Variants in EPHX4 observed in about 807,000 individuals in gnomAD.
EPHX4 encodes abhydrolase domain containing 7.
Under a neutral mutation model 44.9 loss-of-function variants are expected in EPHX4, and 31 were observed. The ratio of observed to expected loss-of-function variants is 0.69; its 90% CI spans 0.52 to 0.93. The LOEUF (loss-of-function observed/expected upper bound fraction) is 0.93, where lower values mean the gene tolerates loss of function less well. Among genes scored for constraint, EPHX4 ranks in the 40% least tolerant of loss-of-function variants. The probability of loss-of-function intolerance (pLI) is 0.00; values close to 1 mark genes in which losing one functional copy is unlikely to be tolerated. For synonymous variants in EPHX4, 151 were observed against 159.7 expected (o/e 0.95, Z 0.41); for missense variants, 373 against 438.1 (o/e 0.85, Z 1.33).
At position 92,063,449 on chromosome 1, in the gene EPHX4, T is replaced by A. The variant is rs1570700374; in HGVS notation, c.*163T>A. On this transcript the variant is annotated 3_prime_UTR_variant, in exon 7 of 7. Coordinates refer to ENST00000370383, the MANE Select transcript of EPHX4 (RefSeq NM_173567.5). The stretch of plus-strand genomic sequence containing the variant: ...GTATTGAAAAAAATCTGAGATCATG[T>A]GAACATATAATACAATGTTGATTTT... 26 of 565,836 alleles carry A rather than the reference T, an allele frequency of 4.6e-5. No homozygotes were observed. In the East Asian group the frequency reaches 7.4e-4, roughly 16 times the overall value. 35.1% of individuals were successfully genotyped at this position (565,836 alleles called of 1,614,324 possible). A position where few individuals can be genotyped will look rare whatever the true frequency, so the allele number is the denominator to read the frequency against.
intron 4 of EPHX4, 100 bp downstream of exon 4, chr1:92,045,760 A>G: frequency 1.5e-6 from 2 of 1,343,898 alleles, no homozygotes; most frequent in Non-Finnish European, 2.1e-6. Context: ...TTACTATCAT[A>G]TTTTAAAATT....
At chr1:92,059,829 G>A (rs914357304) in intron 6 of EPHX4, among the ~76,000 whole-genome samples, 1 of 151,916 alleles carries the variant, frequency 6.6e-6, no homozygotes, top group African/African-American at 2.4e-5. Context: ...TGGGCTTAGA[G>A]CAGTGGCTAT....
In EPHX4 at chr1:92,063,456, A is replaced by G; in HGVS notation, c.*170A>G. The G allele has an allele frequency of 1.9e-6, 1 of 531,402 alleles. No individual in the cohort carries two copies. Among genetic ancestry groups the G allele is most frequent in the Non-Finnish European group, 3.3e-6 (1 of 306,240 alleles). 32.9% of individuals were successfully genotyped at this position (531,402 alleles called of 1,614,324 possible). A position where few individuals can be genotyped will look rare whatever the true frequency, so the allele number is the denominator to read the frequency against. ...AAAAAATCTGAGATCATGTGAACAT[A>G]TAATACAATGTTGATTTTCTTCTGG... On this transcript the variant is annotated 3_prime_UTR_variant, in exon 7 of 7. Coordinates refer to ENST00000370383, the MANE Select transcript of EPHX4 (RefSeq NM_173567.5).
At chr1:92,046,002 G>T (rs1269112156) in intron 4 of EPHX4, among the ~76,000 whole-genome samples, 1 of 152,098 alleles carries the variant, frequency 6.6e-6, no homozygotes, top group Non-Finnish European at 1.5e-5. Context: ...GACTGCTTTG[G>T]CTGTCAGGAA....
chr1:92,052,787 A>T (rs548716994), intron 6 of EPHX4, 129 bp downstream of exon 6: 2 of 793,450 alleles, frequency 2.5e-6, no homozygotes, highest in East Asian at 6.0e-5. Flanking sequence ...TTTTTTTAGT[A>T]AGTTGCATAA....
chr1:92,042,724 CAA>C (rs66834073), intron 2 of EPHX4, 97 bp from the exon 3 acceptor site: 26,116 of 675,022 alleles, frequency 0.039, no homozygotes, highest in South Asian at 0.065. Context: ...AACTCTGTCT[CAA>C]AAAAAAAAAA....
At chr1:92,042,037 G>A (rs903761028) in intron 2 of EPHX4, among the ~76,000 whole-genome samples, 3 of 151,842 alleles carry the variant, frequency 2.0e-5, no homozygotes, top group Non-Finnish European at 2.9e-5. Context: ...CAATAAGAGC[G>A]AAACTCTGTC....
intron 2 of EPHX4, among the ~76,000 whole-genome samples, chr1:92,038,385 G>A (rs1414292666): frequency 6.6e-6 from 1 of 152,160 alleles, no homozygotes; most frequent in African/African-American, 2.4e-5. Flanking sequence ...ATTGTCTCAA[G>A]GTTTGAACTG....
Position 92,030,126 on chromosome 1 carries a change from G to A in EPHX4, c.47G>A (p.Arg16Gln). The change falls in exon 1 of 7, where the codon CGG (arginine) becomes CAG (glutamine). Residue 16 changes from arginine (R) to glutamine (Q), a missense_variant. Coordinates refer to ENST00000370383, the MANE Select transcript of EPHX4 (RefSeq NM_173567.5). ...CTGCCCCGCCTGATGCTCACGCTCC[G>A]GTCCCTGCTCTTCTGGTCCCTGGTC... is the stretch of plus-strand genomic sequence containing the variant. ...DCLPRLMLTL[R>Q]SLLFWSLVYC... 1 of 1,611,270 alleles carries A rather than the reference G, an allele frequency of 6.2e-7. No homozygotes were observed. The highest frequency in any genetic ancestry group is 1.1e-5 in the South Asian group (1 of 90,734).
intron 5 of EPHX4, among the ~76,000 whole-genome samples, 192 bp from the exon 6 acceptor site, chr1:92,052,318 A>G (rs1175030405): frequency 1.3e-5 from 2 of 152,218 alleles, no homozygotes; most frequent in Non-Finnish European, 2.9e-5. Context: ...GGAAGAATAT[A>G]GAAAAAATAA....
chr1:92,043,119 G>GGATGCATATTCCA, intron 3 of EPHX4, 139 bp downstream of exon 3: 1 of 646,400 alleles, frequency 1.5e-6, no homozygotes, highest in Non-Finnish European at 2.5e-6. Flanking sequence ...GTTTCAGTTA[G>GGATGCATATTCCA]TCAGCCCAAA....
At chr1:92,047,514 G>A (rs956557278) in intron 4 of EPHX4, among the ~76,000 whole-genome samples, 2 of 152,130 alleles carry the variant, frequency 1.3e-5, no homozygotes, top group African/African-American at 4.8e-5. Flanking sequence ...ACTGCTTTAT[G>A]TGTACTTTCT....
chr1:92,062,510 G>A (rs1030020012), intron 6 of EPHX4, among the ~76,000 whole-genome samples: 3 of 150,636 alleles, frequency 2.0e-5, no homozygotes, highest in Admixed American at 6.6e-5. Context: ...ATTTGAACCC[G>A]GAGGGTGGAG....
rs200784288 is a variant in EPHX4, at chr1:92,045,503, T to C, written c.476-29T>C. ...AGTGCACCCACCTGTTTCTTTTTAATGATGTCAACATTTATTTCTTGTTTA... is the reference window on the plus strand; with the variant it reads ...AGTGCACCCACCTGTTTCTTTTTAACGATGTCAACATTTATTTCTTGTTTA... On this transcript the variant is annotated intron_variant, in intron 3 of 6. Coordinates refer to ENST00000370383, the MANE Select transcript of EPHX4 (RefSeq NM_173567.5). 7 of 1,612,042 alleles carry C rather than the reference T, an allele frequency of 4.3e-6. No individual in the cohort carries two copies. The East Asian group carries it at 1.6e-4, about 36-fold the overall frequency.
intron 5 of EPHX4, among the ~76,000 whole-genome samples, chr1:92,051,237 G>A (rs576854714): frequency 2.0e-4 from 30 of 149,960 alleles, no homozygotes; most frequent in African/African-American, 7.4e-4. Flanking sequence ...ACTGTGATGG[G>A]ATAAGAACTT....
chr1:92,049,896 G>A (rs7552910), intron 4 of EPHX4, among the ~76,000 whole-genome samples: 78 of 152,026 alleles, frequency 5.1e-4, no homozygotes, highest in Non-Finnish European at 9.1e-4. Flanking sequence ...TCAGGAGTTC[G>A]AAACCAGCCT....
intron 6 of EPHX4, 95 bp downstream of exon 6, chr1:92,052,753 A>G: frequency 9.0e-7 from 1 of 1,109,010 alleles, no homozygotes; most frequent in Admixed American, 3.5e-5. Context: ...CCACTTATCC[A>G]AAGACTCAAA....
intron 3 of EPHX4, among the ~76,000 whole-genome samples, chr1:92,044,034 G>T (rs894736738): frequency 2.0e-5 from 3 of 152,174 alleles, no homozygotes; most frequent in African/African-American, 7.2e-5. Context: ...GAAGGGGAAA[G>T]TAAATATTTT....
chr1:92,050,873 A>T (rs1407370582), intron 5 of EPHX4, among the ~76,000 whole-genome samples: 1 of 152,122 alleles, frequency 6.6e-6, no homozygotes, highest in African/African-American at 2.4e-5. Context: ...TTGAGACAGG[A>T]ATTTGCTTTG....
Sources: allele counts gnomAD v4.1 joint callset (sites outside exome capture counted in the v4.1 genomes callset), GRCh38; gene constraint gnomAD v4.1.1; transcripts MANE v1.5; gene names NCBI Gene and HGNC (gene_info 2026-07-23, HGNC 2026-07-21).